Variants in MFSD11 observed in about 807,000 individuals in gnomAD.
MFSD11 encodes major facilitator superfamily domain containing 11, also known as UNC93-like protein MFSD11.
A neutral mutation model predicts 53.5 loss-of-function variants in MFSD11; 36 were observed. The observed-to-expected ratio is 0.67, with a 90% CI of 0.52 to 0.89. The LOEUF (loss-of-function observed/expected upper bound fraction) is 0.89, where lower values mean the gene tolerates loss of function less well. MFSD11 is among the 40% of genes least tolerant of loss of function. MFSD11 has a pLI of 0.00. For synonymous variants in MFSD11, 186 were observed against 184.9 expected, an observed-to-expected ratio of 1.01 and a Z score of -0.05; for missense variants, 530 against 543.9, an observed-to-expected ratio of 0.97 and a Z score of 0.25.
chr17:76,756,838 CG>C (rs1466376430), intron 8 of MFSD11, among the ~76,000 whole-genome samples: 4 of 145,400 alleles, frequency 2.8e-5, no homozygotes, highest in Non-Finnish European at 6.0e-5. Context: ...CCAGCCTGGG[CG>C]ACAGAGTGAG....
At chr17:76,757,940 G>A (rs563537765) in intron 8 of MFSD11, among the ~76,000 whole-genome samples, 2 of 152,036 alleles carry the variant, frequency 1.3e-5, no homozygotes, top group African/African-American at 2.4e-5. Flanking sequence ...AACCCAAGAG[G>A]CGGAGGTTGC....
chr17:76,802,614 C>T, the MFSD11 span, among the ~76,000 whole-genome samples: 2 of 152,298 alleles, frequency 1.3e-5, no homozygotes, highest in South Asian at 4.1e-4. Flanking sequence ...GCACATGGCT[C>T]ACACTTGTAA....
intron 7 of MFSD11, among the ~76,000 whole-genome samples, chr17:76,751,441 C>A (rs753178010): frequency 4.6e-5 from 7 of 151,790 alleles, no homozygotes; most frequent in Non-Finnish European, 1.0e-4. Context: ...CACCTGTAAT[C>A]CCAACACTTT....
downstream of MFSD11, among the ~76,000 whole-genome samples, chr17:76,784,970 C>T (rs961608340): frequency 5.9e-5 from 9 of 152,196 alleles, no homozygotes; most frequent in African/African-American, 9.6e-5. Context: ...CCAGTAATTT[C>T]ACTCTGGGCA....
At chr17:76,775,252 A>G in intron 11 of MFSD11, 81 bp downstream of exon 11, 1 of 1,332,868 alleles carries the variant, frequency 7.5e-7, no homozygotes, top group African/African-American at 1.4e-5. Context: ...TGGAGCAGTT[A>G]ATCCTCTTCA....
the MFSD11 span, among the ~76,000 whole-genome samples, chr17:76,800,199 C>T: frequency 6.6e-6 from 1 of 152,132 alleles, no homozygotes; most frequent in Non-Finnish European, 1.5e-5. Context: ...AAGTGATCCA[C>T]CTGCCTCGGC....
downstream of MFSD11, among the ~76,000 whole-genome samples, chr17:76,783,781 C>T (rs140487537): frequency 1.2e-3 from 189 of 152,206 alleles, 3 homozygotes; most frequent in East Asian, 0.031. Flanking sequence ...CCAGACTGGT[C>T]TCGAACTCCT....
chr17:76,782,635 T>C (rs557930294), downstream of MFSD11, among the ~76,000 whole-genome samples: 642 of 151,452 alleles, frequency 4.2e-3, 1 homozygote, highest in Non-Finnish European at 4.3e-3. Context: ...CACACCACCA[T>C]GCCCGGCTAA....
intron 2 of MFSD11, 35 bp from the exon 3 acceptor site, chr17:76,740,922 T>TC (rs539892383): frequency 8.0e-7 from 1 of 1,257,160 alleles, no homozygotes; most frequent in African/African-American, 1.6e-5. Flanking sequence ...TTGTTCTTTT[T>TC]TTTTTTTTTT....
At chr17:76,754,852 A>G (rs532128258) in intron 8 of MFSD11, among the ~76,000 whole-genome samples, 1 of 152,264 alleles carries the variant, frequency 6.6e-6, no homozygotes, top group East Asian at 1.9e-4. Flanking sequence ...TCACAATTCT[A>G]CGAGTATTAT....
chr17:76,750,003 G>A (rs577475143), intron 7 of MFSD11, among the ~76,000 whole-genome samples: 2 of 152,238 alleles, frequency 1.3e-5, no homozygotes, highest in Non-Finnish European at 2.9e-5. Context: ...TTTAAGTCAG[G>A]GCCTGAAAGA....
At chr17:76,762,676 A>G (rs978027765) in intron 8 of MFSD11, among the ~76,000 whole-genome samples, 1 of 139,820 alleles carries the variant, frequency 7.2e-6, no homozygotes, top group Non-Finnish European at 1.6e-5. Context: ...AAAAAAAAAA[A>G]GCGGCCTTGA....
At chr17:76,787,157 CAG>C in the MFSD11 span, among the ~76,000 whole-genome samples, 2,193 of 123,084 alleles carry the variant, frequency 0.018, 40 homozygotes, top group Middle Eastern at 0.025. Context: ...TTTTTTGAGA[CAG>C]AGTTTCGCTC....
intron 12 of MFSD11, 105 bp from the exon 13 acceptor site, chr17:76,778,083 G>A (rs1055119580): frequency 3.8e-6 from 4 of 1,063,286 alleles, no homozygotes; most frequent in Non-Finnish European, 5.6e-6. Flanking sequence ...AAAGCACTGT[G>A]AGTTCCAGGT....
At chr17:76,751,511 T>A (rs1192990885) in intron 7 of MFSD11, among the ~76,000 whole-genome samples, 1 of 151,740 alleles carries the variant, frequency 6.6e-6, no homozygotes, top group African/African-American at 2.4e-5. Context: ...GGCAACCTTG[T>A]GGAATACTGT....
upstream of MFSD11, chr17:76,737,162 GC>G: frequency 6.4e-7 from 1 of 1,561,170 alleles, no homozygotes; most frequent in South Asian, 1.2e-5. Context: ...GTAGCTCATA[GC>G]TCTGAGTGGC....
At chr17:76,794,679 CTTTTTTTT>C in the MFSD11 span, among the ~76,000 whole-genome samples, 3 of 40,450 alleles carry the variant, frequency 7.4e-5, no homozygotes, top group African/African-American at 2.8e-4. Flanking sequence ...AAGATGTACT[CTTTTTTTT>C]TTTTTTTTTT....
chr17:76,753,845 G>T (rs2079307321), intron 7 of MFSD11, among the ~76,000 whole-genome samples: 1 of 152,086 alleles, frequency 6.6e-6, no homozygotes, highest in African/African-American at 2.4e-5. Context: ...ATAGAGAGGT[G>T]CCCAGGTGGG....
At chr17:76,756,712 TAGCC>T (rs947558277) in intron 8 of MFSD11, among the ~76,000 whole-genome samples, 4 of 151,906 alleles carry the variant, frequency 2.6e-5, no homozygotes, top group African/African-American at 9.7e-5. Context: ...ATACAAAAAT[TAGCC>T]AGGCATGGTG....
Sources: gnomAD v4.1 joint callset for allele counts (sites outside exome capture counted in the v4.1 genomes callset) on GRCh38, gnomAD v4.1.1 for gene constraint, MANE v1.5 for transcripts, NCBI Gene and HGNC (gene_info 2026-07-23, HGNC 2026-07-21) for gene names.